LYN: variants seen among roughly 807,000 people sequenced by gnomAD.
The protein encoded by LYN is tyrosine-protein kinase Lyn.
Under a neutral mutation model 65.0 loss-of-function variants are expected in LYN, and 12 were observed. The observed-to-expected ratio is 0.18, with a 90% CI of 0.12 to 0.30. The LOEUF (loss-of-function observed/expected upper bound fraction) is 0.30, where lower values mean the gene tolerates loss of function less well. LYN is among the 10% of genes least tolerant of loss of function. LYN has a pLI of 1.00. For missense variants in LYN, 380 were observed against 623.2 expected (o/e 0.61, Z 4.16); for synonymous variants, 222 against 221.2 (o/e 1.00, Z -0.03).
chr8:55,915,514 G>C (rs1805757892), intron 1 of LYN, among the ~76,000 whole-genome samples: 1 of 152,088 alleles, frequency 6.6e-6, no homozygotes, highest in Non-Finnish European at 1.5e-5. Flanking sequence ...AGACCAGCCT[G>C]GTCAACATGG....
At chr8:55,944,801 T>C (rs1196998154) in intron 2 of LYN, among the ~76,000 whole-genome samples, 1 of 152,178 alleles carries the variant, frequency 6.6e-6, no homozygotes, top group Non-Finnish European at 1.5e-5. Flanking sequence ...TTTTAAATGA[T>C]GAATAAAGAT....
intron 1 of LYN, among the ~76,000 whole-genome samples, chr8:55,920,049 G>A (rs1805901357): frequency 6.6e-6 from 1 of 152,162 alleles, no homozygotes; most frequent in Non-Finnish European, 1.5e-5. Context: ...AAAAGTCAAT[G>A]CCAATTGAAA....
intron 1 of LYN, among the ~76,000 whole-genome samples, chr8:55,908,705 A>G (rs1174075693): frequency 6.6e-6 from 1 of 151,824 alleles, no homozygotes; most frequent in Non-Finnish European, 1.5e-5. Flanking sequence ...AGTAGCACAC[A>G]TTGTACCCAC....
rs115736213 is a variant in LYN at position 55,938,082 on chromosome 8, A to G, written c.-5-3773A>G. ...GAGGGATTAAAATCACTCTTCTAATATTCTAAGGCTCTTGAATGAGGATGA... is the reference window on the plus strand; with the variant it reads ...GAGGGATTAAAATCACTCTTCTAATGTTCTAAGGCTCTTGAATGAGGATGA... On this transcript the variant is annotated intron_variant, in intron 1 of 12. Coordinates refer to ENST00000519728, the MANE Select transcript of LYN (RefSeq NM_002350.4). 4.1e-3 allele frequency among the ~76,000 whole-genome samples: 624 copies of G among 152,328 alleles called. 3 individuals are homozygous for G. Among genetic ancestry groups the G allele is most frequent in the African/African-American group, 0.014 (583 of 41,576 alleles).
intron 10 of LYN, among the ~76,000 whole-genome samples, chr8:55,977,884 C>T (rs895957842): frequency 1.3e-5 from 2 of 152,132 alleles, no homozygotes; most frequent in Admixed American, 6.5e-5. Flanking sequence ...ACACCCACCG[C>T]CCTCCAGCCT....
At chr8:55,955,784 T>C (rs1429004367) in intron 8 of LYN, among the ~76,000 whole-genome samples, 1 of 152,212 alleles carries the variant, frequency 6.6e-6, no homozygotes, top group Non-Finnish European at 1.5e-5. Flanking sequence ...ATTTGCCCTT[T>C]TGTGTCTGGC....
At chr8:55,975,999 A>C (rs139570859) in intron 10 of LYN, among the ~76,000 whole-genome samples, 1 of 152,172 alleles carries the variant, frequency 6.6e-6, no homozygotes, top group Non-Finnish European at 1.5e-5. Context: ...TCTTAATGTT[A>C]TTTTGACCAG....
At chr8:55,950,867 A>C in intron 6 of LYN, 83 bp downstream of exon 6, 2 of 972,098 alleles carry the variant, frequency 2.1e-6, no homozygotes, top group South Asian at 1.4e-5. Context: ...TCAAGGGGAA[A>C]AAAGGGCATA....
chr8:55,884,226 G>C (rs541914062), intron 1 of LYN, among the ~76,000 whole-genome samples: 2 of 152,194 alleles, frequency 1.3e-5, no homozygotes, highest in East Asian at 3.9e-4. Context: ...TCAGCCTTCT[G>C]AGTAGTTGGG....
chr8:55,889,753 A>C (rs1429702273), intron 1 of LYN, among the ~76,000 whole-genome samples: 1 of 152,174 alleles, frequency 6.6e-6, no homozygotes, highest in Non-Finnish European at 1.5e-5. Context: ...AAGGCAGGGC[A>C]GGGCGGTAGA....
At chr8:55,886,209 A>G (rs755933707) in intron 1 of LYN, among the ~76,000 whole-genome samples, 14 of 151,056 alleles carry the variant, frequency 9.3e-5, no homozygotes, top group Non-Finnish European at 2.1e-4. Context: ...TCCTTGTTAA[A>G]TTCTTGGGAT....
intron 1 of LYN, among the ~76,000 whole-genome samples, chr8:55,894,272 C>A (rs1805030766): frequency 6.6e-6 from 1 of 151,982 alleles, no homozygotes; most frequent in South Asian, 2.1e-4. Flanking sequence ...ATGGTCATGG[C>A]TCCTGCAGCC....
intron 1 of LYN, among the ~76,000 whole-genome samples, chr8:55,938,638 T>G (rs926414150): frequency 2.0e-5 from 3 of 152,252 alleles, no homozygotes; most frequent in Non-Finnish European, 2.9e-5. Context: ...CTGGTTTTAT[T>G]TTATTAACTT....
intron 2 of LYN, among the ~76,000 whole-genome samples, chr8:55,945,757 C>T (rs1806758340): frequency 1.3e-5 from 2 of 152,228 alleles, no homozygotes; most frequent in Admixed American, 6.5e-5. Flanking sequence ...ACAGGGGATG[C>T]CATCTGTCCC....
At chr8:55,953,522 C>T (rs1366600019) in intron 7 of LYN, among the ~76,000 whole-genome samples, 1 of 152,024 alleles carries the variant, frequency 6.6e-6, no homozygotes, top group Non-Finnish European at 1.5e-5. Flanking sequence ...GTGGTGGGCA[C>T]CTGTAATCCC....
In LYN at chr8:55,921,144, A is replaced by G. The variant is rs911242100; in HGVS notation, c.-5-20711A>G. Among the ~76,000 whole-genome samples the G allele has an allele frequency of 3.9e-5, 6 of 152,264 alleles. No individual in the cohort carries two copies. In the East Asian group the frequency reaches 7.7e-4, roughly 19 times the overall value. ...GGGAGTTAACATTTATTAATCATCT[A>G]TTATAAACCAAATACATTGTAGCTA... On this transcript the variant is annotated intron_variant, in intron 1 of 12. Transcript: ENST00000519728.
At position 55,968,162 on chromosome 8, in the gene LYN, G is replaced by A. The variant is rs1344312241; in HGVS notation, c.973+1265G>A. On this transcript the variant is annotated intron_variant, in intron 9 of 12. Transcript: ENST00000519728. The stretch of plus-strand genomic sequence containing the variant: ...CAGGCTCAGGGCCAGACACCTTATA[G>A]GAGTTCAGTAAATATTGTTGAATTA... Among the ~76,000 whole-genome samples, 13 of 152,092 alleles carry A rather than the reference G, an allele frequency of 8.5e-5. No homozygotes were observed. The South Asian group carries it at 2.5e-3, about 29-fold the overall frequency.
At position 55,947,628 on chromosome 8, in the gene LYN, A is replaced by G. The variant is rs1806819099; in HGVS notation, c.189A>G (p.Glu63=). 1 of 1,611,366 alleles carries G rather than the reference A, an allele frequency of 6.2e-7. No individual in the cohort carries two copies. The highest frequency in any genetic ancestry group is 8.5e-7 in the Non-Finnish European group (1 of 1,177,608). ...GQRFQTKDPE[E]QGDIVVALYP... is the part of the protein sequence containing the mutation. Reference sequence around the variant, plus strand: ...TGTGTTCATCTTTAGATCCAGAGGAACAAGGAGACATTGTGGTAGCCTTGT... The same window carrying G: ...TGTGTTCATCTTTAGATCCAGAGGAGCAAGGAGACATTGTGGTAGCCTTGT... The change falls in exon 4 of 13, where the codon GAA becomes GAG. Residue 63 remains glutamate (E), a synonymous_variant. Coordinates refer to ENST00000519728, the MANE Select transcript of LYN (RefSeq NM_002350.4).
chr8:55,893,470 C>A (rs1262653826), intron 1 of LYN: 3 of 152,190 alleles, frequency 2.0e-5, no homozygotes, highest in African/African-American at 7.2e-5. Context: ...ACTCATTTTT[C>A]TGATGTTAAG....
Sources: gnomAD v4.1 joint callset for allele counts (sites outside exome capture counted in the v4.1 genomes callset) on GRCh38, gnomAD v4.1.1 for gene constraint, MANE v1.5 for transcripts, NCBI Gene and HGNC (gene_info 2026-07-23, HGNC 2026-07-21) for gene names.